Variants in MECOM observed in about 807,000 individuals in gnomAD.
MECOM encodes the protein histone-lysine N-methyltransferase MECOM.
In MECOM, 13 loss-of-function variants were observed where a neutral mutation model predicts 116.3. The observed-to-expected ratio is 0.11, with a 90% CI of 0.07 to 0.18. The LOEUF is 0.18. Ranked by LOEUF, MECOM falls within the 10% of genes least tolerant of loss-of-function variation. The pLI, the probability that MECOM is intolerant of heterozygous loss-of-function variation, is 1.00. For synonymous variants in MECOM, 528 were observed against 535.2 expected, an observed-to-expected ratio of 0.99 and a Z score of 0.19; for missense variants, 1,299 against 1,509.0, an observed-to-expected ratio of 0.86 and a Z score of 2.31.
intron 1 of MECOM, among the ~76,000 whole-genome samples, chr3:169,442,960 G>A (rs1301989083): frequency 1.3e-5 from 2 of 152,096 alleles, no homozygotes; most frequent in Non-Finnish European, 2.9e-5. Flanking sequence ...CTAGTCCAGT[G>A]TCTAACATTC....
chr3:169,235,490 C>T (rs1160754583), intron 2 of MECOM, among the ~76,000 whole-genome samples: 2 of 152,016 alleles, frequency 1.3e-5, no homozygotes, highest in Admixed American at 1.3e-4. Flanking sequence ...TGCATACACA[C>T]ACACACCTCT....
At chr3:169,297,617 G>T (rs1388000494) in intron 2 of MECOM, among the ~76,000 whole-genome samples, 1 of 151,664 alleles carries the variant, frequency 6.6e-6, no homozygotes, top group Admixed American at 6.6e-5. Flanking sequence ...TGACTCAAAT[G>T]CTGCTGGTAA....
chr3:169,411,698 A>G lies in MECOM; in HGVS notation c.38-30174T>C, dbSNP rs554700332. 7.2e-5 allele frequency among the ~76,000 whole-genome samples: 11 copies of G among 152,382 alleles called. No individual in the cohort carries two copies. In the South Asian group the frequency reaches 1.2e-3, roughly 17 times the overall value. ...CACACCTTACATAAATATTTATGTT[A>G]AAGAATTTCTGACTGGGCGCAGTGG... On this transcript the variant is annotated intron_variant, in intron 1 of 16. Transcript: ENST00000651503.
At chr3:169,353,665 A>T (rs1296673380) in intron 2 of MECOM, among the ~76,000 whole-genome samples, 2 of 151,904 alleles carry the variant, frequency 1.3e-5, no homozygotes, top group Non-Finnish European at 2.9e-5. Context: ...AATAATTTTA[A>T]AATTAAAATA....
intron 1 of MECOM, among the ~76,000 whole-genome samples, chr3:169,646,050 T>C (rs925965397): frequency 2.0e-5 from 3 of 152,310 alleles, no homozygotes; most frequent in African/African-American, 4.8e-5. Flanking sequence ...GCTTCATCCA[T>C]GTCCCTACAA....
rs560180497 is a variant in MECOM at position 169,432,461 on chromosome 3, AT to A, written c.38-50938del. On this transcript the variant is annotated intron_variant, in intron 1 of 16. Coordinates refer to ENST00000651503, the MANE Select transcript of MECOM (RefSeq NM_004991.4). ...GCGTGAGCCACTGTGCCGGGCTGTC[AT>A]TTTTTTCTTCTCATTATTTAGCCTT... 3.3e-4 allele frequency among the ~76,000 whole-genome samples: 50 copies of A among 152,016 alleles called. No individual in the cohort carries two copies. In the East Asian group the frequency reaches 9.1e-3, roughly 28 times the overall value.
At chr3:169,187,243 T>C (rs141743982) in intron 2 of MECOM, among the ~76,000 whole-genome samples, 1 of 152,248 alleles carries the variant, frequency 6.6e-6, no homozygotes, top group African/African-American at 2.4e-5. Context: ...TCTTCCTGGC[T>C]ATGATCAACC....
intron 2 of MECOM, among the ~76,000 whole-genome samples, chr3:169,304,601 T>C (rs1431637707): frequency 6.6e-6 from 1 of 152,190 alleles, no homozygotes; most frequent in Non-Finnish European, 1.5e-5. Flanking sequence ...ACACAGAAGA[T>C]AAAATGGCAG....
chr3:169,378,453 GA>G (rs1267136809), intron 2 of MECOM, among the ~76,000 whole-genome samples: 1 of 43,082 alleles, frequency 2.3e-5, no homozygotes, highest in South Asian at 6.2e-4. Flanking sequence ...AAGAAAGAAG[GA>G]AAGCAAGCAA....
chr3:169,115,615 G>A lies in MECOM; in HGVS notation c.2257C>T (p.Pro753Ser), dbSNP rs1270890902. 3 of 1,614,100 alleles carry A rather than the reference G, an allele frequency of 1.9e-6. No homozygotes were observed. Among genetic ancestry groups the A allele is most frequent in the Non-Finnish European group, 2.5e-6 (3 of 1,180,018 alleles). Residue 753 changes from proline (P) to serine (S), a missense_variant, in exon 8 of 17, where the codon CCC becomes TCC. By Grantham distance (74) the Pro-to-Ser change is moderately conservative. This residue lies in a region of MECOM where 340 missense variants were observed against 312.6 expected (regional missense o/e 1.09). Coordinates refer to ENST00000651503, the MANE Select transcript of MECOM (RefSeq NM_004991.4). The stretch of plus-strand genomic sequence containing the variant: ...GGCTTGGAGGGGACTGGAGTCAAGG[G>A]CTTCTCATCCTTTCGCTTAGTGGTG... The part of the protein sequence containing the change: ...DLTTKRKDEK[P>S]LTPVPSKPPV...
At chr3:169,253,081 A>G (rs1756433680) in intron 2 of MECOM, among the ~76,000 whole-genome samples, 1 of 152,152 alleles carries the variant, frequency 6.6e-6, no homozygotes, top group Non-Finnish European at 1.5e-5. Context: ...TAAAATTAGG[A>G]GTTCTTAGCT....
intron 2 of MECOM, among the ~76,000 whole-genome samples, chr3:169,320,323 G>T (rs1381588221): frequency 2.0e-5 from 3 of 152,186 alleles, no homozygotes; most frequent in East Asian, 3.8e-4. Context: ...GGAATAAACT[G>T]GGACTGTCTG....
chr3:169,287,366 T>A (rs1209108786), intron 2 of MECOM, among the ~76,000 whole-genome samples: 1 of 143,116 alleles, frequency 7.0e-6, no homozygotes, highest in Admixed American at 6.6e-5. Flanking sequence ...CAACAAATAA[T>A]GTTTTTTTTG....
At chr3:169,266,457 T>C (rs1758317684) in intron 2 of MECOM, among the ~76,000 whole-genome samples, 1 of 152,210 alleles carries the variant, frequency 6.6e-6, no homozygotes, top group South Asian at 2.1e-4. Flanking sequence ...TCTAAATCGT[T>C]AAATGATTTT....
chr3:169,214,184 T>A (rs1364690457), intron 2 of MECOM, among the ~76,000 whole-genome samples: 2 of 152,160 alleles, frequency 1.3e-5, no homozygotes, highest in Non-Finnish European at 2.9e-5. Flanking sequence ...AGCCAACTTT[T>A]TTTTTAAACT....
intron 1 of MECOM, among the ~76,000 whole-genome samples, chr3:169,491,566 C>A (rs1055589151): frequency 1.3e-5 from 2 of 152,098 alleles, no homozygotes; most frequent in Admixed American, 6.5e-5. Context: ...TCATGAATAA[C>A]TACATTTTTC....
At chr3:169,533,418 A>C (rs986760939) in intron 1 of MECOM, among the ~76,000 whole-genome samples, 40 of 151,952 alleles carry the variant, frequency 2.6e-4, no homozygotes, top group Non-Finnish European at 5.6e-4. Flanking sequence ...TCTTTCCAAC[A>C]CCTGGTTCTT....
At chr3:169,398,559 T>C (rs1051549574) in intron 1 of MECOM, among the ~76,000 whole-genome samples, 1 of 152,206 alleles carries the variant, frequency 6.6e-6, no homozygotes, top group Non-Finnish European at 1.5e-5. Flanking sequence ...CAAAGTTCTT[T>C]TGTGACTGGT....
intron 1 of MECOM, among the ~76,000 whole-genome samples, chr3:169,433,894 A>T (rs902194715): frequency 6.6e-6 from 1 of 152,158 alleles, no homozygotes; most frequent in Admixed American, 6.5e-5. Flanking sequence ...AGAAGCACCT[A>T]TCTAGAGAAA....
Sources: gnomAD v4.1 joint callset for allele counts (sites outside exome capture counted in the v4.1 genomes callset) on GRCh38, gnomAD v4.1.1 for gene constraint, gnomAD v4.1.1 regional missense constraint, MANE v1.5 for transcripts, NCBI Gene and HGNC (gene_info 2026-07-23, HGNC 2026-07-21) for gene names.